Variants in CFTR observed in about 807,000 individuals in gnomAD.
CFTR encodes the protein CF transmembrane conductance regulator.
CFTR carries 181 observed loss-of-function variants against 171.6 expected under a neutral mutation model. The ratio of observed to expected loss-of-function variants is 1.05; its 90% CI spans 0.93 to 1.19. The LOEUF is 1.19. Among genes scored for constraint, CFTR ranks in the 50% most tolerant of loss-of-function variants. The pLI is 0.00. For synonymous variants in CFTR, 583 were observed against 608.0 expected, an observed-to-expected ratio of 0.96 and a Z score of 0.60; for missense variants, 1,968 against 1,734.7, an observed-to-expected ratio of 1.13 and a Z score of -2.39.
At chr7:117,540,827 G>A (rs893376955) in intron 8 of CFTR, among the ~76,000 whole-genome samples, 1 of 152,166 alleles carries the variant, frequency 6.6e-6, no homozygotes, top group African/African-American at 2.4e-5. Context: ...TAGGCCAGAG[G>A]TTGCAAATGG....
chr7:117,529,116 CA>C, intron 3 of CFTR, among the ~76,000 whole-genome samples: 1 of 79,006 alleles, frequency 1.3e-5, no homozygotes, highest in African/African-American at 1.0e-4. Flanking sequence ...GGAACCAACC[CA>C]AATGTCCAAC....
intron 21 of CFTR, among the ~76,000 whole-genome samples, chr7:117,622,161 T>C (rs1792592528): frequency 6.6e-6 from 1 of 152,216 alleles, no homozygotes; most frequent in South Asian, 2.1e-4. Flanking sequence ...TATAGTATAA[T>C]ATAAATAACT....
intron 18 of CFTR, among the ~76,000 whole-genome samples, chr7:117,607,689 CAAA>C (rs1015437573): frequency 6.6e-6 from 1 of 152,136 alleles, no homozygotes; most frequent in African/African-American, 2.4e-5. Flanking sequence ...ACATATAAAA[CAAA>C]AGAAGGATTA....
chr7:117,660,501 G>A (rs566800223), intron 24 of CFTR, among the ~76,000 whole-genome samples: 1 of 151,958 alleles, frequency 6.6e-6, no homozygotes, highest in Admixed American at 6.6e-5. Context: ...CATGGTGGCA[G>A]GCACTGTAAT....
At chr7:117,581,774 A>G (rs1379134613) in intron 11 of CFTR, among the ~76,000 whole-genome samples, 1 of 152,078 alleles carries the variant, frequency 6.6e-6, no homozygotes, top group African/African-American at 2.4e-5. Context: ...TTTTTGAGAC[A>G]AGATCTTACT....
chr7:117,566,712 C>A (rs1791607951), intron 11 of CFTR, among the ~76,000 whole-genome samples: 1 of 152,100 alleles, frequency 6.6e-6, no homozygotes, highest in Non-Finnish European at 1.5e-5. Context: ...TAAATGCTAG[C>A]TAACATCTGT....
At chr7:117,608,786 C>T (rs1293742945) in intron 18 of CFTR, among the ~76,000 whole-genome samples, 1 of 152,080 alleles carries the variant, frequency 6.6e-6, no homozygotes, top group Non-Finnish European at 1.5e-5. Context: ...TCATTCTATT[C>T]ATGATATTTC....
Position 117,507,809 on chromosome 7 carries a change from T to A in CFTR, c.165-1225T>A, listed in dbSNP as rs138706375. Among the ~76,000 whole-genome samples the A allele has an allele frequency of 6.3e-4, 96 of 152,354 alleles. 2 individuals are homozygous for A. The East Asian group carries it at 0.017, about 27-fold the overall frequency. On this transcript the variant is annotated intron_variant, in intron 2 of 26. Transcript: ENST00000003084. ...TTTGTTTGTTTGTGTTGTTTGTTTT[T>A]GAGACAGAGTCTCGCTGTGTCACCC...
chr7:117,534,407 A>T, intron 5 of CFTR, 42 bp downstream of exon 5: 1 of 1,073,172 alleles, frequency 9.3e-7, no homozygotes. Flanking sequence ...CTATTGTTAT[A>T]AATTATACAA....
Position 117,543,822 on chromosome 7 carries a change from C to T in CFTR, c.1209+1714C>T, listed in dbSNP as rs181690479. On this transcript the variant is annotated intron_variant, in intron 9 of 26. Coordinates refer to ENST00000003084, the MANE Select transcript of CFTR (RefSeq NM_000492.4). ...TGATGCTTGTTAAACTTCCTGTTTG[C>T]GACTTCAACGTCCATATAAATGAGT... Among the ~76,000 whole-genome samples, 8 of 152,244 alleles carry T rather than the reference C, an allele frequency of 5.3e-5. No homozygotes were observed. In the East Asian group the frequency reaches 5.8e-4, roughly 11 times the overall value.
chr7:117,569,723 G>A (rs1159622403), intron 11 of CFTR, among the ~76,000 whole-genome samples: 1 of 152,094 alleles, frequency 6.6e-6, no homozygotes, highest in African/African-American at 2.4e-5. Context: ...ACAGGTAGTG[G>A]GGACCCTTTT....
intron 11 of CFTR, among the ~76,000 whole-genome samples, chr7:117,577,058 A>G (rs763731636): frequency 2.6e-5 from 4 of 152,194 alleles, no homozygotes; most frequent in Admixed American, 6.5e-5. Flanking sequence ...CAGAGAAGTC[A>G]TTGGAGACTT....
At chr7:117,665,621 T>C in intron 26 of CFTR, 57 bp downstream of exon 26, 1 of 1,083,708 alleles carries the variant, frequency 9.2e-7, no homozygotes, top group South Asian at 1.3e-5. Flanking sequence ...TTGATAACAA[T>C]CTCACATGTG....
At chr7:117,506,635 T>C (rs563929269) in intron 2 of CFTR, among the ~76,000 whole-genome samples, 2 of 152,358 alleles carry the variant, frequency 1.3e-5, no homozygotes, top group East Asian at 3.9e-4. Context: ...TTTGTATTTA[T>C]GGCCAGATAG....
chr7:117,522,506 G>A (rs1375698692), intron 3 of CFTR, among the ~76,000 whole-genome samples: 1 of 152,136 alleles, frequency 6.6e-6, no homozygotes, highest in South Asian at 2.1e-4. Context: ...TTGGTATCAG[G>A]CTTCTTCTAT....
intron 23 of CFTR, among the ~76,000 whole-genome samples, chr7:117,647,672 C>T (rs1477765700): frequency 2.2e-5 from 3 of 139,230 alleles, no homozygotes; most frequent in African/African-American, 9.1e-5. Flanking sequence ...ATACCACCAG[C>T]TAATACCAAA....
At chr7:117,564,874 T>C (rs536974064) in intron 11 of CFTR, 1 of 154,674 alleles carries the variant, frequency 6.5e-6, no homozygotes, top group Non-Finnish European at 1.5e-5. Context: ...TGCAAATTAT[T>C]CACTCAGTGA....
intron 6 of CFTR, among the ~76,000 whole-genome samples, chr7:117,535,855 G>C (rs1038113995): frequency 2.0e-5 from 3 of 152,052 alleles, no homozygotes; most frequent in Admixed American, 2.0e-4. Flanking sequence ...TTTTAAGATG[G>C]TGTAAATATT....
At chr7:117,523,387 T>G (rs1385503923) in intron 3 of CFTR, among the ~76,000 whole-genome samples, 1 of 151,408 alleles carries the variant, frequency 6.6e-6, no homozygotes, top group African/African-American at 2.4e-5. Flanking sequence ...TTTTGTTTTT[T>G]TTTTTTTGAG....
Sources: allele counts gnomAD v4.1 joint callset (sites outside exome capture counted in the v4.1 genomes callset), GRCh38; gene constraint gnomAD v4.1.1; transcripts MANE v1.5; gene names NCBI Gene and HGNC (gene_info 2026-07-23, HGNC 2026-07-21).